FBXL5: variants seen among roughly 807,000 people sequenced by gnomAD.
The protein encoded by FBXL5 is F-box/LRR-repeat protein 5.
A neutral mutation model predicts 78.3 loss-of-function variants in FBXL5; 26 were observed. The observed-to-expected ratio is 0.33, with a 90% CI of 0.24 to 0.46. FBXL5 has a LOEUF of 0.46. Ranked by LOEUF, FBXL5 falls within the 20% of genes least tolerant of loss-of-function variation. The pLI is 1.00. For synonymous variants in FBXL5, 295 were observed against 282.5 expected (o/e 1.04, Z -0.45); for missense variants, 710 against 829.2 (o/e 0.86, Z 1.77).
chr4:15,642,706 A>G (rs373532556), intron 2 of FBXL5, among the ~76,000 whole-genome samples: 257 of 152,174 alleles, frequency 1.7e-3, no homozygotes, highest in Non-Finnish European at 2.6e-3. Flanking sequence ...ATTCCTACTT[A>G]TATGCTAATA....
chr4:15,628,287 G>A (rs541420470), intron 6 of FBXL5, among the ~76,000 whole-genome samples: 1 of 152,144 alleles, frequency 6.6e-6, no homozygotes, highest in Non-Finnish European at 1.5e-5. Context: ...TACTATCACT[G>A]ATTCCACATA....
intron 9 of FBXL5, among the ~76,000 whole-genome samples, chr4:15,615,401 G>A (rs993821118): frequency 5.3e-4 from 79 of 149,996 alleles, no homozygotes; most frequent in Non-Finnish European, 1.0e-3. Context: ...GACGTGGAGA[G>A]TCTTTATGTC....
intron 1 of FBXL5, among the ~76,000 whole-genome samples, chr4:15,674,602 A>G (rs1717900041): frequency 6.6e-6 from 1 of 151,704 alleles, no homozygotes; most frequent in African/African-American, 2.4e-5. Flanking sequence ...TTTTCTCCTT[A>G]TCAACTCATT....
chr4:15,668,014 C>T (rs1474969267), intron 1 of FBXL5, among the ~76,000 whole-genome samples: 1 of 149,930 alleles, frequency 6.7e-6, no homozygotes, highest in Non-Finnish European at 1.5e-5. Context: ...GCACTCCAGC[C>T]TGGGCAACAA....
chr4:15,653,701 C>T (rs894744441), intron 1 of FBXL5, among the ~76,000 whole-genome samples: 1 of 151,930 alleles, frequency 6.6e-6, no homozygotes, highest in Non-Finnish European at 1.5e-5. Flanking sequence ...TATTCAAAAG[C>T]CAGAGAGGAT....
chr4:15,651,243 T>C (rs983138159), intron 1 of FBXL5, among the ~76,000 whole-genome samples: 6 of 152,246 alleles, frequency 3.9e-5, no homozygotes, highest in African/African-American at 9.6e-5. Flanking sequence ...CATAAAATCA[T>C]AGAGCTACCA....
intron 5 of FBXL5, among the ~76,000 whole-genome samples, chr4:15,635,938 G>C (rs1714218951): frequency 6.6e-6 from 1 of 152,090 alleles, no homozygotes; most frequent in East Asian, 1.9e-4. Context: ...ATATGAAACT[G>C]TGATTCAGAG....
Position 15,625,524 on chromosome 4 carries a change from A to C in FBXL5, c.1578T>G (p.Val526=). The change falls in exon 9 of 11, where the codon GTT becomes GTG. Residue 526 remains valine, a synonymous_variant. Coordinates refer to ENST00000341285, the MANE Select transcript of FBXL5 (RefSeq NM_012161.4). ...STSGCFSKDI[V]GLRTSVCWQQ... Reference sequence around the variant, plus strand: ...GCCAACAGACACTAGTCCTTAGTCCAACAATGTCCTTACTAAAACAACCAG... The same window carrying C: ...GCCAACAGACACTAGTCCTTAGTCCCACAATGTCCTTACTAAAACAACCAG... 1.2e-6 allele frequency: 2 copies of C among 1,614,150 alleles called. No individual in the cohort carries two copies. Among genetic ancestry groups the C allele is most frequent in the South Asian group, 2.2e-5 (2 of 91,078 alleles).
intron 4 of FBXL5, among the ~76,000 whole-genome samples, chr4:15,637,241 C>T (rs1714373347): frequency 6.6e-6 from 1 of 152,182 alleles, no homozygotes; most frequent in Non-Finnish European, 1.5e-5. Context: ...ATTTATGTTG[C>T]AGGTGAGACG....
At chr4:15,679,101 T>G (rs1021034796) in intron 1 of FBXL5, among the ~76,000 whole-genome samples, 20 of 142,952 alleles carry the variant, frequency 1.4e-4, no homozygotes, top group African/African-American at 5.2e-4. Context: ...AGTCTCACTC[T>G]CACCAGGCTG....
intron 9 of FBXL5, among the ~76,000 whole-genome samples, chr4:15,619,530 G>T (rs1241861546): frequency 1.3e-5 from 2 of 152,120 alleles, no homozygotes; most frequent in Non-Finnish European, 2.9e-5. Flanking sequence ...CCATATACAT[G>T]AAAAACTCAC....
chr4:15,627,459 C>T (rs1465695763), intron 7 of FBXL5, among the ~76,000 whole-genome samples: 2 of 152,090 alleles, frequency 1.3e-5, no homozygotes, highest in Non-Finnish European at 2.9e-5. Flanking sequence ...AGTTATGAGA[C>T]TAAACCAGGA....
At chr4:15,632,688 G>A (rs1465246243) in intron 5 of FBXL5, among the ~76,000 whole-genome samples, 2 of 152,148 alleles carry the variant, frequency 1.3e-5, no homozygotes, top group African/African-American at 4.8e-5. Flanking sequence ...GTGAATGGGA[G>A]TTCACTCATG....
intron 1 of FBXL5, among the ~76,000 whole-genome samples, chr4:15,652,054 G>A (rs929066858): frequency 2.6e-5 from 4 of 152,106 alleles, no homozygotes; most frequent in African/African-American, 7.2e-5. Context: ...CATTGCCAAC[G>A]TCTTTCTGTA....
intron 7 of FBXL5, 28 bp from the exon 8 acceptor site, chr4:15,626,983 A>G: frequency 6.8e-7 from 1 of 1,480,514 alleles, no homozygotes; most frequent in Non-Finnish European, 9.3e-7. Flanking sequence ...GTCACTGTAA[A>G]GATCTGCAGA....
rs1200180286 is a variant in FBXL5, at chr4:15,638,598, C to T, written c.493G>A (p.Ala165Thr). ...IAQHCSQKDT[A>T]ELLRGLSLWN... ...AGGCTAAGACCTCTAAGGAGTTCTGCAGTATCCTTCTGAGAGCAGTGTTGT... is the reference window on the plus strand; with the variant it reads ...AGGCTAAGACCTCTAAGGAGTTCTGTAGTATCCTTCTGAGAGCAGTGTTGT... Residue 165 changes from alanine (A) to threonine (T), a missense_variant, in exon 4 of 11, where the codon GCA (alanine) becomes ACA (threonine). Physicochemically the swap from Ala to Thr is moderately conservative, Grantham distance 58. Around this residue, in one of 4 missense-constraint regions of FBXL5, gnomAD observed 517 missense variants for 542.9 expected, o/e 0.95. Coordinates refer to ENST00000341285, the MANE Select transcript of FBXL5 (RefSeq NM_012161.4). 2 of 1,613,154 alleles carry T rather than the reference C, an allele frequency of 1.2e-6. No individual in the cohort carries two copies. Among genetic ancestry groups the T allele is most frequent in the South Asian group, 2.2e-5 (2 of 91,014 alleles).
intron 2 of FBXL5, among the ~76,000 whole-genome samples, chr4:15,644,174 A>G (rs2148666435): frequency 6.6e-6 from 1 of 152,300 alleles, no homozygotes; most frequent in South Asian, 2.1e-4. Context: ...CAAGAATTTT[A>G]TAGTTAGTCT....
intron 9 of FBXL5, among the ~76,000 whole-genome samples, chr4:15,618,773 C>T (rs970644810): frequency 6.6e-6 from 1 of 152,050 alleles, no homozygotes; most frequent in African/African-American, 2.4e-5. Flanking sequence ...GCCCAGGAGG[C>T]GGAGGTTACA....
intron 1 of FBXL5, among the ~76,000 whole-genome samples, chr4:15,675,151 T>C (rs1009492504): frequency 2.4e-4 from 36 of 149,204 alleles, no homozygotes; most frequent in African/African-American, 8.3e-4. Context: ...TTCCACATCA[T>C]TGATTTTTTA....
Sources: gnomAD v4.1 joint callset for allele counts (sites outside exome capture counted in the v4.1 genomes callset) on GRCh38, gnomAD v4.1.1 for gene constraint, gnomAD v4.1.1 regional missense constraint, MANE v1.5 for transcripts, NCBI Gene and HGNC (gene_info 2026-07-23, HGNC 2026-07-21) for gene names.